LMLN: variants seen among roughly 807,000 people sequenced by gnomAD.
The protein encoded by LMLN is leishmanolysin-like peptidase.
LMLN carries 70 observed loss-of-function variants against 92.3 expected under a neutral mutation model. That is an observed-to-expected ratio of 0.76 (90% confidence interval 0.63 to 0.92). LMLN has a LOEUF of 0.92. Among genes scored for constraint, LMLN ranks in the 40% least tolerant of loss-of-function variants. The probability of loss-of-function intolerance (pLI) is 0.00; values close to 1 mark genes in which losing one functional copy is unlikely to be tolerated. For synonymous variants in LMLN, 308 were observed against 296.2 expected, an observed-to-expected ratio of 1.04 and a Z score of -0.41; for missense variants, 691 against 814.6, an observed-to-expected ratio of 0.85 and a Z score of 1.85.
At chr3:197,985,811 C>T in exon 8 of LMLN, 1 of 1,612,712 alleles carries the variant, frequency 6.2e-7, no homozygotes, top group Non-Finnish European at 8.5e-7. Flanking sequence ...CTCTGCTGGG[C>T]TGTTTGCATT....
At chr3:197,987,158 ATTTTT>A (rs772089146) in intron 8 of LMLN, among the ~76,000 whole-genome samples, 1 of 77,608 alleles carries the variant, frequency 1.3e-5, no homozygotes, top group African/African-American at 5.0e-5. Flanking sequence ...ATATGTTTGA[ATTTTT>A]TTTTTTTTTT....
At chr3:197,993,611 C>T (rs1425107898) in intron 9 of LMLN, among the ~76,000 whole-genome samples, 3 of 151,904 alleles carry the variant, frequency 2.0e-5, no homozygotes, top group Admixed American at 6.6e-5. Context: ...TAAAGGTATC[C>T]CGTGTTCATG....
At position 198,019,338 on chromosome 3, in the gene LMLN, G is replaced by A. The variant is rs180983819; in HGVS notation, c.1318G>A (p.Val440Met). The A allele has an allele frequency of 2.1e-5, 34 of 1,614,150 alleles. No homozygotes were observed. Among genetic ancestry groups the A allele is most frequent in the South Asian group, 1.5e-4 (14 of 91,074 alleles). ...CAGACAGGACCAGAGAGCAGTTGCC[G>A]TGTGTAATTTGCAGAAGTTCCCTAA... Residue 440 changes from valine (V) to methionine (M), a missense_variant, in exon 12 of 16, where the codon GTG becomes ATG. Around this residue, in one of 4 missense-constraint regions of LMLN, gnomAD observed 352 missense variants for 443.6 expected, o/e 0.79. Transcript: ENST00000330198. The surrounding 1 kb of genome is among the most constrained non-coding windows in gnomAD (Gnocchi z 5.5).
chr3:198,041,773 G>A (rs537008743), exon 16 of LMLN: 1 of 152,232 alleles, frequency 6.6e-6, no homozygotes, highest in East Asian at 1.9e-4. Flanking sequence ...GCTGAATGAA[G>A]AATTTTACCA....
exon 1 of LMLN, chr3:197,960,344 A>C (rs1285804599): frequency 6.2e-7 from 1 of 1,612,864 alleles, no homozygotes; most frequent in Non-Finnish European, 8.5e-7. Context: ...GAAGCGTTTT[A>C]CTCCTGTTGG....
In LMLN at chr3:197,976,169, G is replaced by A. The variant is rs1264285072; in HGVS notation, c.431+58G>A. ...AGCCGTTTAGTACTCTGCCTTTCTC[G>A]TTCTATGAACATGGCAAGGTATGAA... On this transcript the variant is annotated intron_variant, in intron 4 of 15. Transcript: ENST00000330198. 3.6e-5 allele frequency: 37 copies of A among 1,041,450 alleles called. No individual in the cohort carries two copies. The East Asian group carries it at 5.5e-4, about 15-fold the overall frequency. 64.5% of individuals were successfully genotyped at this position (1,041,450 alleles called of 1,614,324 possible).
chr3:198,028,423 A>G (rs555688615), intron 14 of LMLN, among the ~76,000 whole-genome samples: 3 of 152,378 alleles, frequency 2.0e-5, no homozygotes, highest in South Asian at 4.1e-4. Flanking sequence ...TCTGTGGCTA[A>G]ATAATTGCTG....
At position 197,976,084 on chromosome 3, in the gene LMLN, G is replaced by A. The variant is rs1322930109; in HGVS notation, c.404G>A (p.Arg135Gln). Reference sequence around the variant, plus strand: ...TTAGAGAAGACTTTTCAGGTCCGTCGACCTGCGGGCACTATCTTACTTAGC... The same window carrying A: ...TTAGAGAAGACTTTTCAGGTCCGTCAACCTGCGGGCACTATCTTACTTAGC... The change falls in exon 4 of 16, where the codon CGA becomes CAA. Residue 135 changes from arginine to glutamine, a missense_variant. Physicochemically the swap from Arg to Gln is conservative, Grantham distance 43 (BLOSUM62 1). Transcript: ENST00000330198. 24 of 1,606,818 alleles carry A rather than the reference G, an allele frequency of 1.5e-5. No homozygotes were observed. The highest frequency in any genetic ancestry group is 2.7e-5 in the African/African-American group (2 of 74,312).
intron 2 of LMLN, 24 bp from the exon 3 acceptor site, chr3:197,975,018 A>G (rs1168950961): frequency 4.2e-6 from 6 of 1,436,704 alleles, no homozygotes; most frequent in Non-Finnish European, 5.8e-6. Flanking sequence ...GATAATCCTT[A>G]TGTTTTTATG....
intron 2 of LMLN, among the ~76,000 whole-genome samples, chr3:197,974,756 A>G (rs1721321332): frequency 6.6e-6 from 1 of 152,266 alleles, no homozygotes; most frequent in Admixed American, 6.5e-5. Flanking sequence ...GTGGACAGTA[A>G]CAGACCTGGA....
In LMLN at chr3:197,975,054, GA is replaced by G; in HGVS notation, c.335del (p.Lys112ArgfsTer4). 6.7e-7 allele frequency: 1 copy of G among 1,487,542 alleles called. No individual in the cohort carries two copies. Among genetic ancestry groups the G allele is most frequent in the Non-Finnish European group, 9.3e-7 (1 of 1,071,246 alleles). 92.1% of individuals were successfully genotyped at this position (1,487,542 alleles called of 1,614,324 possible). A position where few individuals can be genotyped will look rare whatever the true frequency, so the allele number is the denominator to read the frequency against. On this transcript the variant is annotated frameshift_variant, in exon 3 of 16. Transcript: ENST00000330198. LOFTEE classifies it high-confidence loss of function. Reference sequence around the variant, plus strand: ...TCATTATTTTCAGGTTGCTCCCTGAGAAAAAGAATCTTGTAAAGGTATGTAA... The same window carrying G: ...TCATTATTTTCAGGTTGCTCCCTGAGAAAAGAATCTTGTAAAGGTATGTAA...
intron 11 of LMLN, 153 bp downstream of exon 11, chr3:197,999,495 C>A: frequency 1.6e-6 from 1 of 609,274 alleles, no homozygotes; most frequent in South Asian, 2.0e-5. Context: ...GTTATTCATA[C>A]CAACTCCATT....
chr3:198,041,843 G>C (rs573983549), exon 16 of LMLN: 1 of 152,224 alleles, frequency 6.6e-6, no homozygotes, highest in African/African-American at 2.4e-5. Flanking sequence ...ACTATATTTT[G>C]ACTGTTGTGT....
In LMLN at chr3:198,032,452, A is replaced by G. The variant is rs531672399; in HGVS notation, c.1657-3381A>G. Among the ~76,000 whole-genome samples the G allele has an allele frequency of 2.6e-5, 4 of 152,296 alleles. No individual in the cohort carries two copies. The East Asian group carries it at 7.7e-4, about 29-fold the overall frequency. ...AAATAAATCTCCAGTATGCTGGTGTATTAGTCCATTTTGCGTTGCTGTAAA... is the reference window on the plus strand; with the variant it reads ...AAATAAATCTCCAGTATGCTGGTGTGTTAGTCCATTTTGCGTTGCTGTAAA... On this transcript the variant is annotated intron_variant, in intron 14 of 15. Coordinates refer to ENST00000330198, the Ensembl canonical transcript of LMLN.
At chr3:198,005,211 C>T (rs1722257996) in intron 11 of LMLN, among the ~76,000 whole-genome samples, 1 of 38,644 alleles carries the variant, frequency 2.6e-5, no homozygotes, top group East Asian at 7.3e-4. Flanking sequence ...TATACAGATA[C>T]ATATCATACG....
At chr3:198,030,474 A>T (rs1446042737) in intron 14 of LMLN, among the ~76,000 whole-genome samples, 1 of 152,202 alleles carries the variant, frequency 6.6e-6, no homozygotes, top group Admixed American at 6.5e-5. Flanking sequence ...ATTTAGCACT[A>T]ATTCAATTCT....
intron 11 of LMLN, among the ~76,000 whole-genome samples, chr3:198,016,894 T>A (rs936775490): frequency 6.6e-6 from 1 of 152,188 alleles, no homozygotes; most frequent in African/African-American, 2.4e-5. Context: ...CACAACTACT[T>A]ACCTCTACTT....
chr3:198,007,089 C>T (rs1487826253), intron 11 of LMLN, among the ~76,000 whole-genome samples: 1 of 150,644 alleles, frequency 6.6e-6, no homozygotes, highest in East Asian at 1.9e-4. Context: ...AGTAGTAGTC[C>T]TTTGTCAGAT....
chr3:198,035,057 C>T (rs1160473302), intron 14 of LMLN, among the ~76,000 whole-genome samples: 1 of 151,992 alleles, frequency 6.6e-6, no homozygotes, highest in Non-Finnish European at 1.5e-5. Flanking sequence ...CAAAAATTAG[C>T]CAGGCATAGT....
Sources: allele counts gnomAD v4.1 joint callset (sites outside exome capture counted in the v4.1 genomes callset), GRCh38; gene constraint gnomAD v4.1.1; regional missense constraint gnomAD v4.1.1; non-coding constraint Gnocchi (gnomAD v3.1); transcripts MANE v1.5; gene names NCBI Gene and HGNC (gene_info 2026-07-23, HGNC 2026-07-21).